The following MORC2 variants were observed in gnomAD, a reference collection of about 807,000 sequenced individuals.
The protein encoded by MORC2 is MORC family CW-type zinc finger 2.
A neutral mutation model predicts 136.0 loss-of-function variants in MORC2; 30 were observed. The observed-to-expected ratio is 0.22, with a 90% CI of 0.17 to 0.30. The LOEUF (loss-of-function observed/expected upper bound fraction) is 0.30. Ranked by LOEUF, MORC2 falls within the 10% of genes least tolerant of loss-of-function variation. MORC2 has a pLI of 1.00. For missense variants in MORC2, 922 were observed against 1,333.1 expected, an observed-to-expected ratio of 0.69 and a Z score of 4.80; for synonymous variants, 439 against 487.0, an observed-to-expected ratio of 0.90 and a Z score of 1.30.
intron 11 of MORC2, 72 bp downstream of exon 11, chr22:30,939,887 G>A (rs1287976239): frequency 2.3e-5 from 34 of 1,501,508 alleles, no homozygotes; most frequent in Non-Finnish European, 3.1e-5. Flanking sequence ...TGTTTTACTT[G>A]ACCAGGCTCA....
chr22:30,959,993 G>C (rs1368211226), intron 1 of MORC2, among the ~76,000 whole-genome samples: 1 of 152,216 alleles, frequency 6.6e-6, no homozygotes, highest in African/African-American at 2.4e-5. Context: ...TTGAGACAGA[G>C]TTTCGCTCTT....
intron 1 of MORC2, among the ~76,000 whole-genome samples, chr22:30,959,617 G>C (rs955878254): frequency 6.6e-6 from 1 of 151,826 alleles, no homozygotes; most frequent in Non-Finnish European, 1.5e-5. Context: ...ATCAAATTAG[G>C]ATGTGTCCAC....
At chr22:30,958,494 T>C in intron 2 of MORC2, 147 bp downstream of exon 2, 1 of 498,098 alleles carries the variant, frequency 2.0e-6, no homozygotes, top group South Asian at 4.1e-5. Flanking sequence ...ATTAAAAATA[T>C]TATTTTTAGT....
intron 20 of MORC2, 71 bp downstream of exon 20, chr22:30,933,989 G>A: frequency 1.2e-5 from 19 of 1,520,128 alleles, no homozygotes; most frequent in Non-Finnish European, 1.5e-5. Flanking sequence ...GCTGATGGGG[G>A]GTGCAGACTG....
Position 30,932,333 on chromosome 22 carries a change from G to A in MORC2, c.2841+26C>T, listed in dbSNP as rs2040587686. The A allele has an allele frequency of 1.9e-6, 3 of 1,553,394 alleles. No individual in the cohort carries two copies. Among genetic ancestry groups the A allele is most frequent in the Non-Finnish European group, 2.7e-6 (3 of 1,128,160 alleles). On this transcript the variant is annotated intron_variant, in intron 24 of 25. Coordinates refer to ENST00000397641, the MANE Select transcript of MORC2 (RefSeq NM_001303256.3). This position sits in a 1 kb window ranked among gnomAD's most constrained non-coding sequence, Gnocchi z 4.4. ...GCAGGGGTGGGGGAATGAAGAGTGTGGAATCGAAGGTCAGGCCAGACTCAC... is the reference window on the plus strand; with the variant it reads ...GCAGGGGTGGGGGAATGAAGAGTGTAGAATCGAAGGTCAGGCCAGACTCAC...
intron 16 of MORC2, 71 bp downstream of exon 16, chr22:30,936,861 G>T (rs2147253580): frequency 6.9e-7 from 1 of 1,442,072 alleles, no homozygotes; most frequent in South Asian, 1.2e-5. Context: ...TATGTGCACT[G>T]ACCTCAAGAA....
chr22:30,958,527 G>T, intron 2 of MORC2, 114 bp downstream of exon 2: 2 of 703,898 alleles, frequency 2.8e-6, no homozygotes, highest in South Asian at 2.5e-5. Context: ...AGGAGTTACA[G>T]AATGTCTACA....
At chr22:30,955,209 C>T (rs911854326) in intron 3 of MORC2, among the ~76,000 whole-genome samples, 7 of 152,118 alleles carry the variant, frequency 4.6e-5, no homozygotes, top group Admixed American at 1.3e-4. Flanking sequence ...CCGCCTGCCT[C>T]GGCTTCCCAA....
intron 3 of MORC2, among the ~76,000 whole-genome samples, chr22:30,953,389 C>T (rs1390485805): frequency 6.6e-6 from 1 of 152,216 alleles, no homozygotes; most frequent in Non-Finnish European, 1.5e-5. Flanking sequence ...ATCTGAAAGT[C>T]TGCACATCTC....
At chr22:30,943,286 A>C (rs2040768077) in intron 6 of MORC2, among the ~76,000 whole-genome samples, 1 of 152,236 alleles carries the variant, frequency 6.6e-6, no homozygotes, top group Non-Finnish European at 1.5e-5. Context: ...TCATTATCAC[A>C]AAAGTTACCT....
intron 4 of MORC2, 40 bp downstream of exon 4, chr22:30,950,337 G>GCGGGGC: frequency 1.1e-5 from 8 of 761,712 alleles, no homozygotes; most frequent in East Asian, 4.9e-5. Flanking sequence ...TGGTTACATC[G>GCGGGGC]CACCCCCCCA....
rs1399587798 is a variant in MORC2, at chr22:30,934,974, A to G, written c.2000T>C (p.Leu667Pro). Reference protein sequence around the residue: ...AAREEASTSRLLQPPEAPRKP... With the variant: ...AAREEASTSRPLQPPEAPRKP... ...TCGGGGTGCCTCAGGTGGCTGGAGC[A>G]GCCTAGATGTGCTGGCCTCCTCCCG... is the stretch of plus-strand genomic sequence containing the variant. Residue 667 changes from leucine to proline, a missense_variant, in exon 19 of 26, where the codon CTG becomes CCG. Transcript: ENST00000397641. This position sits in a 1 kb window ranked among gnomAD's most constrained non-coding sequence, Gnocchi z 4.4. The G allele has an allele frequency of 6.2e-7, 1 of 1,614,102 alleles. No individual in the cohort carries two copies. Among genetic ancestry groups the G allele is most frequent in the Admixed American group, 1.7e-5 (1 of 60,020 alleles).
rs1428923855 is a variant in MORC2, at chr22:30,968,010, TTAAAG to T, written c.-126_-122del. Reference sequence around the variant, plus strand: ...GTAAGTCTGTGCTCCTTAATGACAGTTAAAGTAACCTAGTAGCTATCCAAAATATA... The same window carrying T: ...GTAAGTCTGTGCTCCTTAATGACAGTTAACCTAGTAGCTATCCAAAATATA... On this transcript the variant is annotated 5_prime_UTR_variant, in exon 1 of 26. Transcript: ENST00000397641. 1.2e-6 allele frequency: 1 copy of T among 844,974 alleles called. No homozygotes were observed. The highest frequency in any genetic ancestry group is 2.7e-5 in the East Asian group (1 of 37,056). 52.3% of individuals were successfully genotyped at this position (844,974 alleles called of 1,614,324 possible).
At chr22:30,928,810 G>C (rs1269246115) in intron 24 of MORC2, among the ~76,000 whole-genome samples, 1 of 152,222 alleles carries the variant, frequency 6.6e-6, no homozygotes, top group Non-Finnish European at 1.5e-5. Context: ...CAGAATACTT[G>C]TTTCAAATGA....
intron 5 of MORC2, among the ~76,000 whole-genome samples, chr22:30,949,251 T>G (rs1366156743): frequency 6.6e-6 from 1 of 152,154 alleles, no homozygotes; most frequent in East Asian, 1.9e-4. Context: ...ATTAGGTAGG[T>G]CCCTGCTATA....
At chr22:30,949,520 C>T (rs931517254) in intron 5 of MORC2, among the ~76,000 whole-genome samples, 3 of 152,204 alleles carry the variant, frequency 2.0e-5, no homozygotes, top group African/African-American at 4.8e-5. Context: ...CCAAGAGAAA[C>T]GTACAGCCTC....
At chr22:30,967,547 A>T in intron 1 of MORC2, 1 of 1,253,490 alleles carries the variant, frequency 8.0e-7, no homozygotes, top group South Asian at 1.7e-5. Flanking sequence ...TAAACACTTG[A>T]ATGAAACAAC....
intron 3 of MORC2, among the ~76,000 whole-genome samples, chr22:30,956,519 G>C (rs1200506047): frequency 6.6e-6 from 1 of 152,304 alleles, no homozygotes; most frequent in Non-Finnish European, 1.5e-5. Flanking sequence ...AACTCTACTA[G>C]TAGCTATTTA....
Position 30,932,980 on chromosome 22 carries a change from G to A in MORC2, c.2431C>T (p.Arg811Cys), listed in dbSNP as rs767566826. 9 of 1,614,114 alleles carry A rather than the reference G, an allele frequency of 5.6e-6. No individual in the cohort carries two copies. Among genetic ancestry groups the A allele is most frequent in the South Asian group, 1.1e-5 (1 of 91,074 alleles). Residue 811 changes from arginine (R) to cysteine (C), a missense_variant, in exon 22 of 26, where the codon CGT (arginine) becomes TGT (cysteine). Physicochemically the swap from Arg to Cys is radical, Grantham distance 180. Around this residue, in one of 9 missense-constraint regions of MORC2, gnomAD observed 263 missense variants for 388.3 expected, o/e 0.68. Transcript: ENST00000397641. The surrounding 1 kb of genome is among the most constrained non-coding windows in gnomAD (Gnocchi z 4.4). ...VRVNREWYTG[R>C]VTAVEVGKHV... The stretch of plus-strand genomic sequence containing the variant: ...TTGCCCACCTCCACGGCTGTGACAC[G>A]GCCCGTGTACCACTCCCTGTTCACA...
Sources: gnomAD v4.1 joint callset for allele counts (sites outside exome capture counted in the v4.1 genomes callset) on GRCh38, gnomAD v4.1.1 for gene constraint, gnomAD v4.1.1 regional missense constraint, Gnocchi (gnomAD v3.1) non-coding constraint, MANE v1.5 for transcripts, NCBI Gene and HGNC (gene_info 2026-07-23, HGNC 2026-07-21) for gene names.